Variants in NRXN3 observed in about 807,000 individuals in gnomAD.
NRXN3 encodes the protein neurexin III.
Under a neutral mutation model 137.6 loss-of-function variants are expected in NRXN3, and 32 were observed. That is an observed-to-expected ratio of 0.23 (90% CI 0.18 to 0.31). The LOEUF (loss-of-function observed/expected upper bound fraction) is 0.31. NRXN3 is among the 10% of genes least tolerant of loss of function. NRXN3 has a pLI of 1.00. For synonymous variants in NRXN3, 798 were observed against 784.5 expected (o/e 1.02, Z -0.29); for missense variants, 1,574 against 2,062.5 (o/e 0.76, Z 4.59).
At chr14:79,335,726 T>C (rs1259137979) in intron 15 of NRXN3, among the ~76,000 whole-genome samples, 1 of 152,094 alleles carries the variant, frequency 6.6e-6, no homozygotes, top group Non-Finnish European at 1.5e-5. Flanking sequence ...ACTTTTTGGC[T>C]CTACTTTTAT....
intron 4 of NRXN3, among the ~76,000 whole-genome samples, chr14:78,379,922 C>A (rs745756586): frequency 1.8e-4 from 27 of 152,198 alleles, no homozygotes; most frequent in Non-Finnish European, 2.9e-4. Flanking sequence ...ATACAAAGAA[C>A]AATTGTATTT....
At chr14:79,447,149 C>G (rs2096074699) in intron 15 of NRXN3, among the ~76,000 whole-genome samples, 1 of 152,090 alleles carries the variant, frequency 6.6e-6, no homozygotes, top group Admixed American at 6.6e-5. Context: ...TCTGGTCCAC[C>G]AAAATATTGA....
intron 4 of NRXN3, among the ~76,000 whole-genome samples, chr14:78,308,378 G>A (rs1355993217): frequency 2.0e-5 from 3 of 152,124 alleles, no homozygotes; most frequent in Non-Finnish European, 2.9e-5. Flanking sequence ...TTATGGTAAT[G>A]TAGCATAGTC....
rs1487744603 is a variant in NRXN3, at chr14:79,861,647, C to T, written c.4399C>T (p.Arg1467Cys). ...KSPLITSPMF[R>C]NVPTANPTEP... ...CCCACTAATTACTTCCCCCATGTTC[C>T]GTAATGTGCCCACAGCAAACCCCAC... is the stretch of plus-strand genomic sequence containing the variant. The change falls in exon 21 of 21, where the codon CGT (arginine) becomes TGT (cysteine). Residue 1467 changes from arginine to cysteine, a missense_variant. Transcript: ENST00000335750. This position sits in a 1 kb window ranked among gnomAD's most constrained non-coding sequence, Gnocchi z 5.4. 6 of 1,614,030 alleles carry T rather than the reference C, an allele frequency of 3.7e-6. No homozygotes were observed. The highest frequency in any genetic ancestry group is 5.1e-6 in the Non-Finnish European group (6 of 1,180,050).
intron 16 of NRXN3, among the ~76,000 whole-genome samples, chr14:79,552,150 A>G (rs1038237635): frequency 6.6e-6 from 1 of 152,234 alleles, no homozygotes; most frequent in Non-Finnish European, 1.5e-5. Flanking sequence ...TATTCAGTGA[A>G]TCAAAATAGC....
chr14:79,499,678 T>G (rs1447577544), intron 16 of NRXN3, among the ~76,000 whole-genome samples: 1 of 152,138 alleles, frequency 6.6e-6, no homozygotes, highest in African/African-American at 2.4e-5. Context: ...ATTGGAGCAA[T>G]GAATGTTTTT....
intron 16 of NRXN3, among the ~76,000 whole-genome samples, chr14:79,648,862 C>G (rs1187633605): frequency 6.6e-6 from 1 of 152,086 alleles, no homozygotes; most frequent in Non-Finnish European, 1.5e-5. Flanking sequence ...GCAATGGAAC[C>G]AGAAAAGCAT....
rs766207561 is a variant in NRXN3 at position 78,810,327 on chromosome 14, G to A, written c.2258G>A (p.Arg753Lys). The A allele has an allele frequency of 6.7e-7, 1 of 1,494,172 alleles. No individual in the cohort carries two copies. The highest frequency in any genetic ancestry group is 9.0e-7 in the Non-Finnish European group (1 of 1,115,082). 92.6% of individuals were successfully genotyped at this position (1,494,172 alleles called of 1,614,324 possible). ...ATTTTTCCCCATCTAGACTGTATCA[G>A]GATAAACTGTAACTCCAGTAAGTTT... ...VKLMVNLDCIRINCNSSKGPE... is the reference protein window; with the variant it reads ...VKLMVNLDCIKINCNSSKGPE... The change falls in exon 10 of 21, where the codon AGG (arginine) becomes AAG (lysine). Residue 753 changes from arginine to lysine, a missense_variant. Arg to Lys is a conservative substitution (Grantham distance 26). Coordinates refer to ENST00000335750, the MANE Select transcript of NRXN3 (RefSeq NM_001330195.2).
intron 16 of NRXN3, among the ~76,000 whole-genome samples, chr14:79,615,035 G>A (rs1240792392): frequency 6.6e-6 from 1 of 152,282 alleles, no homozygotes; most frequent in East Asian, 1.9e-4. Context: ...TCCATTCAAA[G>A]CAATTAGGAG....
At chr14:78,176,783 G>T (rs1022087944) in intron 1 of NRXN3, among the ~76,000 whole-genome samples, 2 of 152,016 alleles carry the variant, frequency 1.3e-5, no homozygotes, top group South Asian at 4.2e-4. Context: ...CAAGGGTATT[G>T]CAGCTGCTGC....
At chr14:79,007,755 G>A (rs1025084139) in intron 15 of NRXN3, among the ~76,000 whole-genome samples, 1 of 136,348 alleles carries the variant, frequency 7.3e-6, no homozygotes, top group Non-Finnish European at 1.5e-5. Context: ...GCAGTGAGCC[G>A]AGATCATGCC....
intron 15 of NRXN3, among the ~76,000 whole-genome samples, chr14:79,151,414 G>A (rs2059786554): frequency 6.6e-6 from 1 of 152,038 alleles, no homozygotes; most frequent in African/African-American, 2.4e-5. Flanking sequence ...AAGTATGGCA[G>A]GGAGCATCTT....
intron 10 of NRXN3, among the ~76,000 whole-genome samples, chr14:78,812,241 G>A (rs547957702): frequency 4.2e-4 from 64 of 152,008 alleles, no homozygotes; most frequent in Non-Finnish European, 8.1e-4. Context: ...CAATAAATAT[G>A]CCTTTTTTGG....
At chr14:79,583,065 CA>C (rs1303899923) in intron 16 of NRXN3, among the ~76,000 whole-genome samples, 2 of 152,082 alleles carry the variant, frequency 1.3e-5, no homozygotes, top group Non-Finnish European at 2.9e-5. Context: ...ATCTAAAACA[CA>C]CAAAAAAGTA....
intron 16 of NRXN3, among the ~76,000 whole-genome samples, chr14:79,530,613 C>A (rs1238954760): frequency 7.4e-6 from 1 of 134,452 alleles, no homozygotes; most frequent in African/African-American, 2.9e-5. Context: ...TTTCCTTTTT[C>A]TTTTGTCTCT....
chr14:79,839,251 G>A (rs982953352), intron 20 of NRXN3, among the ~76,000 whole-genome samples: 3 of 151,984 alleles, frequency 2.0e-5, no homozygotes, highest in Non-Finnish European at 4.4e-5. Flanking sequence ...GGTTTGGTCT[G>A]GTTGGCTGAG....
intron 8 of NRXN3, among the ~76,000 whole-genome samples, chr14:78,763,092 G>C (rs1412709457): frequency 6.6e-6 from 1 of 152,146 alleles, no homozygotes; most frequent in Non-Finnish European, 1.5e-5. Flanking sequence ...GCCAACAAAT[G>C]GCAAATTTTA....
chr14:79,404,640 A>C (rs2095273581), intron 15 of NRXN3, among the ~76,000 whole-genome samples: 1 of 152,206 alleles, frequency 6.6e-6, no homozygotes, highest in Admixed American at 6.5e-5. Context: ...AAAGAAACAC[A>C]CTGAGATTTA....
At chr14:79,852,550 T>G (rs1421878007) in intron 20 of NRXN3, among the ~76,000 whole-genome samples, 1 of 152,158 alleles carries the variant, frequency 6.6e-6, no homozygotes, top group Non-Finnish European at 1.5e-5. Flanking sequence ...CTCTTTTAAA[T>G]GTCTACTTAC....
Sources: allele counts gnomAD v4.1 joint callset (sites outside exome capture counted in the v4.1 genomes callset), GRCh38; gene constraint gnomAD v4.1.1; non-coding constraint Gnocchi (gnomAD v3.1); transcripts MANE v1.5; gene names NCBI Gene and HGNC (gene_info 2026-07-23, HGNC 2026-07-21).